The following ARHGEF28 variants were observed in gnomAD, a reference collection of about 807,000 sequenced individuals.
ARHGEF28 encodes Rho guanine nucleotide exchange factor 28.
Under a neutral mutation model 206.6 loss-of-function variants are expected in ARHGEF28, and 152 were observed. That is an observed-to-expected ratio of 0.74 (90% CI 0.64 to 0.84). The LOEUF (loss-of-function observed/expected upper bound fraction) is 0.84, where lower values mean the gene tolerates loss of function less well. Among genes scored for constraint, ARHGEF28 ranks in the 40% least tolerant of loss-of-function variants. ARHGEF28 has a pLI of 0.00. For missense variants in ARHGEF28, 2,028 were observed against 2,073.2 expected (o/e 0.98, Z 0.42); for synonymous variants, 763 against 776.4 (o/e 0.98, Z 0.29).
intron 9 of ARHGEF28, among the ~76,000 whole-genome samples, chr5:73,799,875 A>G (rs1487692695): frequency 6.6e-6 from 1 of 152,150 alleles, no homozygotes; most frequent in East Asian, 1.9e-4. Flanking sequence ...GGAGAGTCTC[A>G]GTACTTTGAA....
chr5:73,911,493 C>G lies in ARHGEF28; in HGVS notation c.4866C>G (p.Val1622=). The G allele has an allele frequency of 6.2e-7, 1 of 1,613,928 alleles. No individual in the cohort carries two copies. Among genetic ancestry groups the G allele is most frequent in the Non-Finnish European group, 8.5e-7 (1 of 1,179,872 alleles). ...TGGACCCTTCTCAGCCTTCGAATGTCAGTCACAAACTGTGGACAGCCGCTG... is the reference window on the plus strand; with the variant it reads ...TGGACCCTTCTCAGCCTTCGAATGTGAGTCACAAACTGTGGACAGCCGCTG... ...LKVDPSQPSN[V]SHKLWTAAGS... is the part of the protein sequence containing the mutation. The change falls in exon 35 of 36, where the codon GTC becomes GTG. Residue 1622 remains valine, a synonymous_variant. Transcript: ENST00000513042.
chr5:73,919,032 C>T (rs1763374376), intron 35 of ARHGEF28, among the ~76,000 whole-genome samples: 1 of 152,156 alleles, frequency 6.6e-6, no homozygotes, highest in African/African-American at 2.4e-5. Context: ...ACTCTGGCTC[C>T]TACTGCCGTG....
chr5:73,667,462 A>G (rs1746027675), intron 1 of ARHGEF28, among the ~76,000 whole-genome samples: 1 of 152,068 alleles, frequency 6.6e-6, no homozygotes, highest in Admixed American at 6.5e-5. Flanking sequence ...CTTTTGACAT[A>G]TTTCCTTCTC....
At chr5:73,829,471 C>G (rs1238197996) in intron 9 of ARHGEF28, among the ~76,000 whole-genome samples, 3 of 152,156 alleles carry the variant, frequency 2.0e-5, no homozygotes, top group Non-Finnish European at 4.4e-5. Context: ...ACCTCCATCT[C>G]TGGGTTCAAG....
intron 2 of ARHGEF28, among the ~76,000 whole-genome samples, chr5:73,715,452 A>G (rs914234191): frequency 2.0e-5 from 3 of 152,216 alleles, no homozygotes; most frequent in Non-Finnish European, 4.4e-5. Context: ...CTTCCGTATT[A>G]TAAGGTAGGG....
intron 2 of ARHGEF28, among the ~76,000 whole-genome samples, chr5:73,732,193 G>A (rs1391170842): frequency 6.6e-6 from 1 of 152,004 alleles, no homozygotes; most frequent in Non-Finnish European, 1.5e-5. Context: ...TCACTGCCCT[G>A]AGAATCCTCT....
chr5:73,832,598 A>G (rs535309579), intron 10 of ARHGEF28, 139 bp downstream of exon 10: 1 of 1,208,460 alleles, frequency 8.3e-7, no homozygotes, highest in East Asian at 2.6e-5. Context: ...GTGGGGTCTC[A>G]TTGTATGAGC....
chr5:73,851,075 T>TTTA (rs1758664353), intron 13 of ARHGEF28, among the ~76,000 whole-genome samples: 1 of 152,198 alleles, frequency 6.6e-6, no homozygotes, highest in Non-Finnish European at 1.5e-5. Context: ...TTTATCTGTG[T>TTTA]TTATGTAATC....
intron 1 of ARHGEF28, among the ~76,000 whole-genome samples, chr5:73,682,394 CT>C (rs1188298532): frequency 1.3e-5 from 2 of 151,188 alleles, no homozygotes; most frequent in East Asian, 3.9e-4. Flanking sequence ...CTGGGGATTA[CT>C]GTACTAAATA....
intron 9 of ARHGEF28, among the ~76,000 whole-genome samples, chr5:73,802,560 A>G (rs978077808): frequency 6.6e-6 from 1 of 152,196 alleles, no homozygotes; most frequent in Non-Finnish European, 1.5e-5. Context: ...AGCAGATTTC[A>G]TGTATTCCAT....
intron 9 of ARHGEF28, among the ~76,000 whole-genome samples, chr5:73,816,118 G>C (rs1036639993): frequency 6.6e-6 from 1 of 152,036 alleles, no homozygotes; most frequent in Non-Finnish European, 1.5e-5. Flanking sequence ...CATCTGGGGT[G>C]GGGGGTGCCA....
At chr5:73,874,247 G>A (rs1580019086) in intron 22 of ARHGEF28, among the ~76,000 whole-genome samples, 1 of 151,810 alleles carries the variant, frequency 6.6e-6, no homozygotes, top group Non-Finnish European at 1.5e-5. Context: ...TGAATATTAA[G>A]GTTTGTTTAC....
At chr5:73,631,769 G>A (rs1173196384) in intron 1 of ARHGEF28, among the ~76,000 whole-genome samples, 1 of 136,970 alleles carries the variant, frequency 7.3e-6, no homozygotes, top group Non-Finnish European at 1.5e-5. Context: ...TATGGAACAT[G>A]TTGTGTGTTT....
At chr5:73,719,922 C>G (rs1445754872) in intron 2 of ARHGEF28, among the ~76,000 whole-genome samples, 2 of 152,180 alleles carry the variant, frequency 1.3e-5, no homozygotes, top group South Asian at 2.1e-4. Flanking sequence ...TAACTAATTA[C>G]TGGATATGAC....
intron 9 of ARHGEF28, among the ~76,000 whole-genome samples, chr5:73,822,198 C>T (rs1297545006): frequency 6.6e-6 from 1 of 152,136 alleles, no homozygotes; most frequent in Non-Finnish European, 1.5e-5. Context: ...AGAAACAGCT[C>T]TCACTCCCAG....
intron 10 of ARHGEF28, among the ~76,000 whole-genome samples, chr5:73,834,256 C>T (rs1757470884): frequency 6.6e-6 from 1 of 152,152 alleles, no homozygotes; most frequent in Admixed American, 6.5e-5. Context: ...TAACTATAGT[C>T]ACCATGTTGT....
intron 1 of ARHGEF28, among the ~76,000 whole-genome samples, chr5:73,642,006 GT>G (rs1048071411): frequency 6.6e-6 from 1 of 152,210 alleles, no homozygotes; most frequent in Non-Finnish European, 1.5e-5. Flanking sequence ...CTGCTGCGGG[GT>G]TTGTAGCCTG....
chr5:73,753,252 G>C (rs771203295), intron 4 of ARHGEF28, 50 bp downstream of exon 4: 1 of 1,496,130 alleles, frequency 6.7e-7, no homozygotes, highest in Non-Finnish European at 8.9e-7. Flanking sequence ...GTCAAGTTCA[G>C]AATGTACCTT....
chr5:73,865,887 C>A (rs1302979247), intron 17 of ARHGEF28, 78 bp from the exon 18 acceptor site: 3 of 1,042,266 alleles, frequency 2.9e-6, no homozygotes, highest in Non-Finnish European at 4.2e-6. Context: ...GAATTCTGTT[C>A]TGTGTAACTA....
Sources: gnomAD v4.1 joint callset for allele counts (sites outside exome capture counted in the v4.1 genomes callset) on GRCh38, gnomAD v4.1.1 for gene constraint, MANE v1.5 for transcripts, NCBI Gene and HGNC (gene_info 2026-07-23, HGNC 2026-07-21) for gene names.